The following MCC variants were observed in gnomAD, a reference collection of about 807,000 sequenced individuals.
The protein encoded by MCC is colorectal mutant cancer protein.
A neutral mutation model predicts 116.2 loss-of-function variants in MCC; 90 were observed. The ratio of observed to expected loss-of-function variants is 0.77; its 90% CI spans 0.65 to 0.92. MCC has a LOEUF of 0.92. MCC is among the 40% of genes least tolerant of loss of function. MCC has a pLI of 0.00. For missense variants in MCC, 1,516 were observed against 1,312.2 expected (o/e 1.16, Z -2.40); for synonymous variants, 578 against 510.5 (o/e 1.13, Z -1.78).
intron 11 of MCC, among the ~76,000 whole-genome samples, chr5:113,074,116 G>A (rs1297097714): frequency 1.3e-5 from 2 of 152,162 alleles, no homozygotes; most frequent in African/African-American, 2.4e-5. Context: ...TAGCCTAACT[G>A]GGAGACACCT....
chr5:113,463,802 A>G (rs1230441998), intron 1 of MCC, among the ~76,000 whole-genome samples: 1 of 152,230 alleles, frequency 6.6e-6, no homozygotes, highest in East Asian at 1.9e-4. Flanking sequence ...AAACGTAAAT[A>G]AGAGACGAAA....
chr5:113,161,104 T>C (rs1760458008), intron 3 of MCC, among the ~76,000 whole-genome samples: 2 of 152,208 alleles, frequency 1.3e-5, no homozygotes, highest in South Asian at 2.1e-4. Context: ...TCCTAACTTG[T>C]AGTAATATTT....
chr5:113,203,597 G>T (rs1211662780), intron 3 of MCC, among the ~76,000 whole-genome samples: 1 of 152,120 alleles, frequency 6.6e-6, no homozygotes, highest in Non-Finnish European at 1.5e-5. Flanking sequence ...ATCACTTGGC[G>T]TGATTATTTC....
chr5:113,074,914 CT>C lies in MCC; in HGVS notation c.1785-3681del, dbSNP rs200608853. On this transcript the variant is annotated intron_variant, in intron 11 of 18. Coordinates refer to ENST00000408903, the MANE Select transcript of MCC (RefSeq NM_001085377.2). ...GGTGACAAAGTGCTAGCAGCCCTTG[CT>C]TGCTCTTGGCACCTCGTCGGCCTCG... is the stretch of plus-strand genomic sequence containing the variant. Among the ~76,000 whole-genome samples the C allele has an allele frequency of 5.6e-3, 858 of 152,360 alleles. 16 individuals carry two copies. Among genetic ancestry groups the C allele is most frequent in the African/African-American group, 0.02 (823 of 41,580 alleles).
At chr5:113,375,977 T>C (rs1351119505) in intron 2 of MCC, among the ~76,000 whole-genome samples, 2 of 152,204 alleles carry the variant, frequency 1.3e-5, no homozygotes, top group Non-Finnish European at 2.9e-5. Context: ...TAGCAGCAAG[T>C]GTCATAGCGA....
intron 3 of MCC, among the ~76,000 whole-genome samples, chr5:113,276,471 C>T (rs946683785): frequency 2.6e-5 from 4 of 152,128 alleles, no homozygotes; most frequent in Non-Finnish European, 5.9e-5. Flanking sequence ...CTCTCTCCTC[C>T]CCCACTTTCC....
At chr5:113,465,718 A>G (rs1037258580) in intron 1 of MCC, among the ~76,000 whole-genome samples, 1 of 152,214 alleles carries the variant, frequency 6.6e-6, no homozygotes, top group Non-Finnish European at 1.5e-5. Context: ...AAATTCACAA[A>G]TTAGAAATAC....
At chr5:113,079,570 G>T (rs540334262) in intron 11 of MCC, among the ~76,000 whole-genome samples, 9 of 152,114 alleles carry the variant, frequency 5.9e-5, no homozygotes, top group Non-Finnish European at 8.8e-5. Flanking sequence ...GGATTCCCTA[G>T]TTAATAAATG....
intron 13 of MCC, among the ~76,000 whole-genome samples, chr5:113,065,900 T>C (rs973140974): frequency 1.3e-5 from 2 of 152,210 alleles, no homozygotes; most frequent in Non-Finnish European, 2.9e-5. Flanking sequence ...CTCAGTACTA[T>C]GGAGAGTGGG....
At chr5:113,487,484 G>A (rs1359715987) in intron 1 of MCC, among the ~76,000 whole-genome samples, 1 of 152,260 alleles carries the variant, frequency 6.6e-6, no homozygotes, top group East Asian at 1.9e-4. Context: ...CGGGAGGCAG[G>A]AAGCTTAAAT....
intron 1 of MCC, among the ~76,000 whole-genome samples, chr5:113,413,870 T>C (rs1770064936): frequency 6.6e-6 from 1 of 152,182 alleles, no homozygotes; most frequent in South Asian, 2.1e-4. Flanking sequence ...TGGTAGGGTG[T>C]CAATTTTAGA....
intron 1 of MCC, among the ~76,000 whole-genome samples, chr5:113,415,838 G>C (rs917764747): frequency 1.9e-4 from 29 of 152,286 alleles, no homozygotes; most frequent in Admixed American, 1.6e-3. Flanking sequence ...ATCCTTTGGA[G>C]GAGAAAAGGC....
intron 3 of MCC, among the ~76,000 whole-genome samples, chr5:113,249,994 G>A (rs1350878259): frequency 6.6e-6 from 1 of 152,174 alleles, no homozygotes; most frequent in African/African-American, 2.4e-5. Context: ...ATATAATGCA[G>A]TATTTCAGGA....
At chr5:113,298,798 T>C (rs1343351474) in intron 3 of MCC, among the ~76,000 whole-genome samples, 1 of 152,158 alleles carries the variant, frequency 6.6e-6, no homozygotes, top group African/African-American at 2.4e-5. Flanking sequence ...TAATACTTAT[T>C]TGACGAGTAA....
intron 8 of MCC, among the ~76,000 whole-genome samples, chr5:113,087,115 G>A (rs1755248853): frequency 6.6e-6 from 1 of 152,238 alleles, no homozygotes. Context: ...GAACAGGCAG[G>A]CACATGGCCC....
Position 113,028,904 on chromosome 5 carries a change from G to A in MCC, c.2879+30C>T, listed in dbSNP as rs369966910. On this transcript the variant is annotated intron_variant, in intron 18 of 18. Coordinates refer to ENST00000408903, the MANE Select transcript of MCC (RefSeq NM_001085377.2). Reference sequence around the variant, plus strand: ...AGTCCAAGTACCACAGGTGGAGGGCGGTGGGGGCTGGGTATAGGGAGATTT... The same window carrying A: ...AGTCCAAGTACCACAGGTGGAGGGCAGTGGGGGCTGGGTATAGGGAGATTT... 295 of 1,606,764 alleles carry A rather than the reference G, an allele frequency of 1.8e-4. 1 individual carries two copies. The South Asian group carries it at 2.0e-3, about 11-fold the overall frequency.
At chr5:113,068,271 A>C in intron 12 of MCC, 88 bp from the exon 13 acceptor site, 1 of 968,422 alleles carries the variant, frequency 1.0e-6, no homozygotes, top group Non-Finnish European at 1.6e-6. Flanking sequence ...GAGGCAGCTC[A>C]GGTGCTGTCT....
chr5:113,215,815 G>C (rs533290542), intron 3 of MCC, among the ~76,000 whole-genome samples: 1 of 152,256 alleles, frequency 6.6e-6, no homozygotes, highest in South Asian at 2.1e-4. Context: ...CACTACGAGA[G>C]AGCCTCAGTT....
intron 1 of MCC, 24 bp from the exon 2 acceptor site, chr5:113,385,236 A>C (rs1445496642): frequency 1.2e-6 from 2 of 1,607,618 alleles, no homozygotes; most frequent in South Asian, 2.2e-5. Context: ...TGAACAGAAG[A>C]AAATGTGTTA....
Sources: gnomAD v4.1 joint callset for allele counts (sites outside exome capture counted in the v4.1 genomes callset) on GRCh38, gnomAD v4.1.1 for gene constraint, MANE v1.5 for transcripts, NCBI Gene and HGNC (gene_info 2026-07-23, HGNC 2026-07-21) for gene names.